Variants in FAM163A observed in about 807,000 individuals in gnomAD.
FAM163A encodes the protein protein FAM163A.
In FAM163A, 7 loss-of-function variants were observed where a neutral mutation model predicts 12.0. The ratio of observed to expected loss-of-function variants is 0.58; its 90% CI spans 0.33 to 1.10. The LOEUF is 1.10. Among genes scored for constraint, FAM163A ranks in the 50% least tolerant of loss-of-function variants. The pLI is 0.03. For synonymous variants in FAM163A, 101 were observed against 91.0 expected (o/e 1.11, Z -0.62); for missense variants, 202 against 218.6 (o/e 0.92, Z 0.48).
At chr1:179,770,437 G>A (rs376353242) in intron 1 of FAM163A, among the ~76,000 whole-genome samples, 5 of 152,100 alleles carry the variant, frequency 3.3e-5, no homozygotes, top group East Asian at 1.9e-4. Flanking sequence ...ACTCATCCCC[G>A]TGTACTTAAA....
intron 1 of FAM163A, among the ~76,000 whole-genome samples, chr1:179,781,643 A>C (rs1369471462): frequency 6.6e-6 from 1 of 152,168 alleles, no homozygotes; most frequent in Non-Finnish European, 1.5e-5. Context: ...GTTAGTTAAA[A>C]ATGACGTCTT....
At chr1:179,748,193 C>T (rs1482852429) in intron 1 of FAM163A, among the ~76,000 whole-genome samples, 2 of 152,170 alleles carry the variant, frequency 1.3e-5, no homozygotes, top group African/African-American at 2.4e-5. Context: ...TCCTCCCTCT[C>T]ATTAGCCAGG....
intron 1 of FAM163A, among the ~76,000 whole-genome samples, chr1:179,744,801 C>T: frequency 6.6e-6 from 1 of 152,226 alleles, no homozygotes; most frequent in East Asian, 1.9e-4. Flanking sequence ...GCAGGACCGA[C>T]GTCTGCGCAG....
At chr1:179,787,474 T>C (rs1000670511) in intron 1 of FAM163A, among the ~76,000 whole-genome samples, 2 of 152,214 alleles carry the variant, frequency 1.3e-5, no homozygotes, top group African/African-American at 2.4e-5. Flanking sequence ...TAAATGGTTC[T>C]GTAATCAAAT....
chr1:179,811,499 C>T (rs114475046), intron 2 of FAM163A, among the ~76,000 whole-genome samples: 2,341 of 152,266 alleles, frequency 0.015, 29 homozygotes, highest in African/African-American at 0.036. Flanking sequence ...AAAATGCAAA[C>T]TCTGACTCAT....
At chr1:179,746,229 CCATCTGACCTAGTGATT>C (rs1328971844) in intron 1 of FAM163A, among the ~76,000 whole-genome samples, 35 of 152,292 alleles carry the variant, frequency 2.3e-4, no homozygotes, top group Admixed American at 6.5e-4. Context: ...AACGCCCATG[CCATCTGACCTAGTGATT>C]CCATTTTTAG....
intron 1 of FAM163A, among the ~76,000 whole-genome samples, chr1:179,765,001 C>T (rs1393722285): frequency 6.6e-6 from 1 of 152,244 alleles, no homozygotes; most frequent in Non-Finnish European, 1.5e-5. Flanking sequence ...TGATGAATCA[C>T]AGAGATCGCG....
At chr1:179,758,466 C>A (rs943955695) in intron 1 of FAM163A, among the ~76,000 whole-genome samples, 1 of 152,194 alleles carries the variant, frequency 6.6e-6, no homozygotes, top group East Asian at 1.9e-4. Context: ...TACTCCATCA[C>A]CTTTCTCTCT....
chr1:179,748,210 C>T (rs1684775809), intron 1 of FAM163A, among the ~76,000 whole-genome samples: 1 of 152,218 alleles, frequency 6.6e-6, no homozygotes, highest in African/African-American at 2.4e-5. Context: ...CAGGGCTCAC[C>T]TCTGACTCCG....
chr1:179,737,070 G>A, the FAM163A span, among the ~76,000 whole-genome samples: 4 of 152,102 alleles, frequency 2.6e-5, no homozygotes, highest in African/African-American at 9.7e-5. Context: ...CATGTTCATT[G>A]CAGCATTATC....
In FAM163A at chr1:179,813,207, C is replaced by A. The variant is rs914880913; in HGVS notation, c.93+17C>A. On this transcript the variant is annotated intron_variant, in intron 4 of 4. Coordinates refer to ENST00000341785, the MANE Select transcript of FAM163A (RefSeq NM_173509.3). Reference sequence around the variant, plus strand: ...AGGCTCCAGGTCAGTCCCCGGGACCCGTAGCCAGAGGCTGCCAGGCCACCA... The same window carrying A: ...AGGCTCCAGGTCAGTCCCCGGGACCAGTAGCCAGAGGCTGCCAGGCCACCA... 5 of 1,549,878 alleles carry A rather than the reference C, an allele frequency of 3.2e-6. No individual in the cohort carries two copies. Among genetic ancestry groups the A allele is most frequent in the African/African-American group, 1.4e-5 (1 of 73,146 alleles).
At chr1:179,752,418 G>T (rs542255463) in intron 1 of FAM163A, among the ~76,000 whole-genome samples, 1 of 149,352 alleles carries the variant, frequency 6.7e-6, no homozygotes, top group South Asian at 2.1e-4. Context: ...AAAATCACAG[G>T]CCACAAAAGC....
At chr1:179,752,576 T>A (rs1685441344) in intron 1 of FAM163A, among the ~76,000 whole-genome samples, 1 of 151,200 alleles carries the variant, frequency 6.6e-6, no homozygotes, top group Non-Finnish European at 1.5e-5. Flanking sequence ...ATTTCCAAAA[T>A]ATATAAGGAA....
chr1:179,767,052 G>T (rs1289978327), intron 1 of FAM163A, among the ~76,000 whole-genome samples: 1 of 152,014 alleles, frequency 6.6e-6, no homozygotes, highest in African/African-American at 2.4e-5. Flanking sequence ...CACCGCCCCC[G>T]GCCTTTACTC....
the FAM163A span, among the ~76,000 whole-genome samples, chr1:179,732,739 GGCGTGGTGGTGCGT>G: frequency 1.3e-5 from 2 of 152,002 alleles, no homozygotes; most frequent in East Asian, 3.9e-4. Flanking sequence ...AAATTAGCCA[GGCGTGGTGGTGCGT>G]GCTTGTAGTC....
At chr1:179,760,792 A>C (rs905818433) in intron 1 of FAM163A, among the ~76,000 whole-genome samples, 1 of 152,146 alleles carries the variant, frequency 6.6e-6, no homozygotes, top group Admixed American at 6.5e-5. Flanking sequence ...CACTTTCCTA[A>C]AGTCTACAAC....
chr1:179,781,743 G>A (rs965293095), intron 1 of FAM163A, among the ~76,000 whole-genome samples: 2 of 152,042 alleles, frequency 1.3e-5, no homozygotes, highest in African/African-American at 4.8e-5. Flanking sequence ...AGACCAGCCT[G>A]GCCAACATGG....
At chr1:179,807,515 C>T (rs77302519) in intron 1 of FAM163A, among the ~76,000 whole-genome samples, 4,715 of 152,308 alleles carry the variant, frequency 0.031, 93 homozygotes, top group African/African-American at 0.042. Context: ...ACCTCCCAGA[C>T]ATGTGCCCAG....
intron 1 of FAM163A, among the ~76,000 whole-genome samples, chr1:179,781,230 A>G (rs1415767984): frequency 6.6e-6 from 1 of 152,132 alleles, no homozygotes; most frequent in Non-Finnish European, 1.5e-5. Context: ...GATAGTGGTG[A>G]TGGTTCAACA....
Sources: allele counts gnomAD v4.1 joint callset (sites outside exome capture counted in the v4.1 genomes callset), GRCh38; gene constraint gnomAD v4.1.1; transcripts MANE v1.5; gene names NCBI Gene and HGNC (gene_info 2026-07-23, HGNC 2026-07-21).